Variants in SGCD observed in about 807,000 individuals in gnomAD.
SGCD encodes delta-sarcoglycan.
SGCD carries 18 observed loss-of-function variants against 36.6 expected under a neutral mutation model. That is an observed-to-expected ratio of 0.49 (90% confidence interval 0.34 to 0.73). SGCD has a LOEUF of 0.73. Among genes scored for constraint, SGCD ranks in the 30% least tolerant of loss-of-function variants. The pLI, the probability that SGCD is intolerant of heterozygous loss-of-function variation, is 0.01. For missense variants in SGCD, 387 were observed against 346.7 expected (o/e 1.12, Z -0.92); for synonymous variants, 133 against 130.6 (o/e 1.02, Z -0.12).
At chr5:155,891,151 C>T (rs1561640471) in intron 1 of SGCD, among the ~76,000 whole-genome samples, 1 of 152,182 alleles carries the variant, frequency 6.6e-6, no homozygotes, top group Non-Finnish European at 1.5e-5. Flanking sequence ...ACCCCTATTG[C>T]TGATGTATCT....
intron 1 of SGCD, among the ~76,000 whole-genome samples, chr5:155,969,703 T>C (rs759904551): frequency 3.3e-5 from 5 of 152,084 alleles, no homozygotes; most frequent in Non-Finnish European, 1.5e-5. Context: ...GAGTTAATCA[T>C]AAACTGCCTC....
At chr5:156,686,251 A>G (rs1266842531) in intron 7 of SGCD, among the ~76,000 whole-genome samples, 1 of 152,140 alleles carries the variant, frequency 6.6e-6, no homozygotes, top group East Asian at 1.9e-4. Flanking sequence ...TTGCATGTAA[A>G]TGGCTCAGCT....
chr5:156,315,167 G>T (rs556982920), intron 3 of SGCD, among the ~76,000 whole-genome samples: 1 of 151,672 alleles, frequency 6.6e-6, no homozygotes, highest in South Asian at 2.1e-4. Context: ...TATTCATTTT[G>T]TATGGGATTA....
chr5:156,259,540 A>AT (rs1765800023), intron 3 of SGCD, among the ~76,000 whole-genome samples: 2 of 151,112 alleles, frequency 1.3e-5, no homozygotes, highest in Non-Finnish European at 3.0e-5. Flanking sequence ...ATTCTTGTTC[A>AT]TTTTTTTACA....
rs1420591600 is a variant in SGCD at position 156,412,812 on chromosome 5, G to A, written c.192+68135G>A. Among the ~76,000 whole-genome samples the A allele has an allele frequency of 1.9e-4, 27 of 140,910 alleles. No individual in the cohort carries two copies. The South Asian group carries it at 4.2e-3, about 22-fold the overall frequency. 92.4% of individuals were successfully genotyped at this position (140,910 alleles called of 152,430 possible). Reference sequence around the variant, plus strand: ...CTTTTTTTTTTTTTTTTTTTGAGACGGAGTCTCGCTCTGTCGCCCAGGCCG... The same window carrying A: ...CTTTTTTTTTTTTTTTTTTTGAGACAGAGTCTCGCTCTGTCGCCCAGGCCG... On this transcript the variant is annotated intron_variant, in intron 3 of 8. Transcript: ENST00000337851.
chr5:156,097,764 G>A (rs1561719209), intron 1 of SGCD, among the ~76,000 whole-genome samples: 1 of 152,044 alleles, frequency 6.6e-6, no homozygotes, highest in Non-Finnish European at 1.5e-5. Flanking sequence ...CTTGGTTCTT[G>A]GTATGATGAG....
chr5:156,073,851 A>G (rs1397122037), intron 1 of SGCD, among the ~76,000 whole-genome samples: 2 of 152,182 alleles, frequency 1.3e-5, no homozygotes, highest in African/African-American at 4.8e-5. Context: ...TGTTCAGTTG[A>G]AAGAGTTGCT....
intron 3 of SGCD, among the ~76,000 whole-genome samples, chr5:156,353,604 G>A (rs975210588): frequency 8.5e-5 from 13 of 152,170 alleles, no homozygotes; most frequent in African/African-American, 3.1e-4. Flanking sequence ...AGTTTGAGTA[G>A]CATCCGCTTC....
intron 1 of SGCD, among the ~76,000 whole-genome samples, chr5:155,971,411 C>T (rs1289144059): frequency 2.0e-5 from 3 of 152,110 alleles, no homozygotes; most frequent in African/African-American, 7.2e-5. Context: ...ATGCTAACAG[C>T]AGTACCACCT....
At chr5:155,827,845 A>ATTTTT in the SGCD span, among the ~76,000 whole-genome samples, 2,656 of 124,818 alleles carry the variant, frequency 0.021, 120 homozygotes, top group African/African-American at 0.069. Context: ...CACCTGGCTA[A>ATTTTT]TTTTTTTTTT....
At chr5:155,976,269 G>T (rs920279647) in intron 1 of SGCD, among the ~76,000 whole-genome samples, 3 of 152,132 alleles carry the variant, frequency 2.0e-5, no homozygotes, top group Non-Finnish European at 4.4e-5. Context: ...GTAAGTGTTT[G>T]CTAAATATGA....
intron 4 of SGCD, among the ~76,000 whole-genome samples, chr5:156,568,753 G>A (rs963828754): frequency 6.6e-6 from 1 of 152,102 alleles, no homozygotes; most frequent in Non-Finnish European, 1.5e-5. Flanking sequence ...GAATCACCTG[G>A]GACAGTGCAT....
At chr5:156,406,720 C>A (rs1476338434) in intron 3 of SGCD, among the ~76,000 whole-genome samples, 2 of 147,420 alleles carry the variant, frequency 1.4e-5, no homozygotes, top group African/African-American at 5.0e-5. Flanking sequence ...GAGGATGAAG[C>A]TAAGGTTTAA....
intron 7 of SGCD, among the ~76,000 whole-genome samples, chr5:156,667,530 G>A (rs1344506283): frequency 1.3e-5 from 2 of 152,214 alleles, no homozygotes; most frequent in African/African-American, 4.8e-5. Flanking sequence ...ATACTGAAGT[G>A]ATTACAGGAG....
chr5:155,931,538 G>GT lies in SGCD; in HGVS notation c.-282+61120dup, dbSNP rs1370214098. Among the ~76,000 whole-genome samples the GT allele has an allele frequency of 2.6e-5, 4 of 151,938 alleles. No individual in the cohort carries two copies. In the East Asian group the frequency reaches 7.7e-4, roughly 29 times the overall value. Reference sequence around the variant, plus strand: ...AGGATTCAAAATTGTGGGGTTTTTTGTTTTTTAAGTGCTTGGGGGCTATTA... The same window carrying GT: ...AGGATTCAAAATTGTGGGGTTTTTTGTTTTTTTAAGTGCTTGGGGGCTATTA... On this transcript the variant is annotated intron_variant, in intron 1 of 9. Coordinates refer to the SGCD transcript ENST00000517913.
chr5:156,525,034 G>A (rs966784622), intron 4 of SGCD, among the ~76,000 whole-genome samples: 2 of 151,942 alleles, frequency 1.3e-5, no homozygotes, highest in South Asian at 2.1e-4. Flanking sequence ...AGTGAATATG[G>A]GCATGCAGAT....
chr5:156,021,694 G>A (rs1174876499), intron 1 of SGCD, among the ~76,000 whole-genome samples: 2 of 152,050 alleles, frequency 1.3e-5, no homozygotes, highest in Admixed American at 6.6e-5. Context: ...TGGAGGTAGC[G>A]GAAACGGTGG....
At chr5:156,498,019 A>G (rs2127858533) in intron 3 of SGCD, among the ~76,000 whole-genome samples, 1 of 152,276 alleles carries the variant, frequency 6.6e-6, no homozygotes, top group South Asian at 2.1e-4. Context: ...TTCACTCTAG[A>G]CACCCTTCAT....
chr5:155,854,856 G>T, the SGCD span, among the ~76,000 whole-genome samples: 1 of 152,094 alleles, frequency 6.6e-6, no homozygotes, highest in Non-Finnish European at 1.5e-5. Flanking sequence ...CACTTAAGTC[G>T]AGACACTTAG....
Sources: allele counts gnomAD v4.1 joint callset (sites outside exome capture counted in the v4.1 genomes callset), GRCh38; gene constraint gnomAD v4.1.1; transcripts MANE v1.5; gene names NCBI Gene and HGNC (gene_info 2026-07-23, HGNC 2026-07-21).